The following SLC25A26 variants were observed in gnomAD, a reference collection of about 807,000 sequenced individuals.
The protein encoded by SLC25A26 is mitochondrial S-adenosylmethionine carrier protein.
Under a neutral mutation model 37.8 loss-of-function variants are expected in SLC25A26, and 36 were observed. The ratio of observed to expected loss-of-function variants is 0.95; its 90% CI spans 0.73 to 1.26. The LOEUF (loss-of-function observed/expected upper bound fraction) is 1.26, where lower values mean the gene tolerates loss of function less well. SLC25A26 is among the 50% of genes most tolerant of loss of function. The pLI is 0.00. For missense variants in SLC25A26, 390 were observed against 331.1 expected (o/e 1.18, Z -1.38); for synonymous variants, 129 against 122.5 (o/e 1.05, Z -0.35).
chr3:66,309,870 G>T (rs2075328611), intron 5 of SLC25A26, among the ~76,000 whole-genome samples: 3 of 146,582 alleles, frequency 2.0e-5, no homozygotes, highest in Admixed American at 6.7e-5. Context: ...GAGACTGTTT[G>T]TTATGATTTC....
chr3:66,274,197 A>T (rs2074052503), intron 5 of SLC25A26, among the ~76,000 whole-genome samples: 1 of 152,032 alleles, frequency 6.6e-6, no homozygotes, highest in South Asian at 2.1e-4. Flanking sequence ...GGCTAGCCAT[A>T]TGTAGAAAGC....
intron 5 of SLC25A26, among the ~76,000 whole-genome samples, chr3:66,297,689 C>G (rs1207187337): frequency 6.6e-6 from 1 of 152,210 alleles, no homozygotes; most frequent in Non-Finnish European, 1.5e-5. Flanking sequence ...CATGCAGCCA[C>G]TTTCTTTCAT....
At chr3:66,169,346 T>A (rs2070464767) in intron 1 of SLC25A26, among the ~76,000 whole-genome samples, 1 of 152,248 alleles carries the variant, frequency 6.6e-6, no homozygotes, top group Non-Finnish European at 1.5e-5. Context: ...TGCCTCGGTT[T>A]CTCAGTTAGA....
At chr3:66,371,586 G>A (rs1281564737) in intron 9 of SLC25A26, among the ~76,000 whole-genome samples, 1 of 152,166 alleles carries the variant, frequency 6.6e-6, no homozygotes, top group African/African-American at 2.4e-5. Flanking sequence ...ACAAGAACTG[G>A]GGCAAAGCCA....
At chr3:66,153,272 G>A (rs1316260731) in intron 1 of SLC25A26, among the ~76,000 whole-genome samples, 4 of 152,214 alleles carry the variant, frequency 2.6e-5, no homozygotes, top group East Asian at 1.9e-4. Flanking sequence ...GGCTTAAAAT[G>A]TTGATAGCAT....
intron 1 of SLC25A26, among the ~76,000 whole-genome samples, chr3:66,192,360 C>G (rs2070961884): frequency 6.6e-6 from 1 of 151,174 alleles, no homozygotes; most frequent in Non-Finnish European, 1.5e-5. Flanking sequence ...AGAATTTGCT[C>G]CCTCTCTCGA....
chr3:66,208,456 A>G (rs910949292), intron 1 of SLC25A26, among the ~76,000 whole-genome samples: 11 of 151,860 alleles, frequency 7.2e-5, no homozygotes, highest in African/African-American at 2.7e-4. Flanking sequence ...TGGATTTCAC[A>G]TGCCCTCTTG....
intron 1 of SLC25A26, among the ~76,000 whole-genome samples, chr3:66,154,540 CTTTTTTTTTT>C (rs60639995): frequency 1.8e-4 from 24 of 130,404 alleles, no homozygotes; most frequent in East Asian, 4.5e-4. Flanking sequence ...TTCTTTTTTT[CTTTTTTTTTT>C]TTTTTTTTGG....
chr3:66,301,790 C>T (rs1176302442), intron 5 of SLC25A26, among the ~76,000 whole-genome samples: 3 of 152,086 alleles, frequency 2.0e-5, no homozygotes, highest in South Asian at 2.1e-4. Context: ...AGAATTGTGA[C>T]GGGGGTAATT....
At chr3:66,337,697 G>A (rs2076121475) in intron 5 of SLC25A26, among the ~76,000 whole-genome samples, 1 of 151,920 alleles carries the variant, frequency 6.6e-6, no homozygotes, top group Non-Finnish European at 1.5e-5. Context: ...TTTTAATAAT[G>A]CAAATGTAGT....
chr3:66,242,853 C>T (rs1406482924), intron 2 of SLC25A26, among the ~76,000 whole-genome samples: 2 of 152,182 alleles, frequency 1.3e-5, no homozygotes, highest in Admixed American at 1.3e-4. Flanking sequence ...TGTTTTATGG[C>T]CATCCATAAT....
chr3:66,137,202 G>A (rs1194540425), intron 1 of SLC25A26, among the ~76,000 whole-genome samples: 1 of 149,654 alleles, frequency 6.7e-6, no homozygotes, highest in Non-Finnish European at 1.5e-5. Flanking sequence ...ATCTACCTAT[G>A]CTGTGATTTT....
chr3:66,185,568 T>C lies in SLC25A26; in HGVS notation c.-353-35174T>C, dbSNP rs947616417. Among the ~76,000 whole-genome samples, 148 of 152,292 alleles carry C rather than the reference T, an allele frequency of 9.7e-4. 2 individuals carry two copies. Among genetic ancestry groups the C allele is most frequent in the African/African-American group, 3.1e-3 (130 of 41,554 alleles). On this transcript the variant is annotated intron_variant, in intron 1 of 10. Transcript: ENST00000676754. ...TGACCCTATCTTTTATGCTGAACTT[T>C]ACCTGACCCTGTCCTACATCCTGAC...
At chr3:66,363,079 G>C (rs77593838) in intron 7 of SLC25A26, 150 bp downstream of exon 7, 1 of 383,234 alleles carries the variant, frequency 2.6e-6, no homozygotes, top group South Asian at 1.2e-4. Context: ...GTGTCTTAGA[G>C]GGGAAAAAAA....
chr3:66,331,743 C>T (rs950131338), intron 5 of SLC25A26, among the ~76,000 whole-genome samples: 3 of 151,998 alleles, frequency 2.0e-5, no homozygotes, highest in African/African-American at 7.2e-5. Context: ...TTTCCCTGTA[C>T]TCAGAAATGT....
intron 1 of SLC25A26, among the ~76,000 whole-genome samples, chr3:66,205,632 C>T (rs1244046386): frequency 2.6e-5 from 4 of 152,188 alleles, no homozygotes; most frequent in African/African-American, 9.7e-5. Context: ...TTTTCTATCA[C>T]TTTGTCACAC....
chr3:66,161,344 A>G (rs1576603952), intron 1 of SLC25A26, among the ~76,000 whole-genome samples: 1 of 152,108 alleles, frequency 6.6e-6, no homozygotes, highest in South Asian at 2.1e-4. Context: ...CTGATTGCAG[A>G]CTGCTACCTT....
intron 1 of SLC25A26, among the ~76,000 whole-genome samples, chr3:66,172,529 G>C (rs2070516993): frequency 1.3e-5 from 2 of 152,028 alleles, no homozygotes; most frequent in Admixed American, 1.3e-4. Flanking sequence ...GGCAAGACTG[G>C]TCGGGGCTGT....
At chr3:66,281,070 T>C (rs1231347854) in intron 5 of SLC25A26, among the ~76,000 whole-genome samples, 1 of 152,228 alleles carries the variant, frequency 6.6e-6, no homozygotes, top group East Asian at 1.9e-4. Context: ...CAACCTTTTT[T>C]ATTTCCTCCA....
Sources: allele counts gnomAD v4.1 joint callset (sites outside exome capture counted in the v4.1 genomes callset), GRCh38; gene constraint gnomAD v4.1.1; transcripts MANE v1.5; gene names NCBI Gene and HGNC (gene_info 2026-07-23, HGNC 2026-07-21).